Variants in RELL1 observed in about 807,000 individuals in gnomAD.
The protein encoded by RELL1 is RELT-like protein 1.
In RELL1, 10 loss-of-function variants were observed where a neutral mutation model predicts 23.0. That is an observed-to-expected ratio of 0.43 (90% CI 0.27 to 0.74). The LOEUF is 0.74. Among genes scored for constraint, RELL1 ranks in the 30% least tolerant of loss-of-function variants. The probability of loss-of-function intolerance (pLI) is 0.19; values close to 1 mark genes in which losing one functional copy is unlikely to be tolerated. For missense variants in RELL1, 315 were observed against 364.4 expected (o/e 0.86, Z 1.10); for synonymous variants, 146 against 146.8 (o/e 0.99, Z 0.04).
At chr4:37,606,197 G>GAAAA (rs59263297), downstream of RELL1, among the ~76,000 whole-genome samples, 68,395 of 150,150 alleles carry the variant, frequency 0.46, 15,916 homozygotes, top group East Asian at 0.64. This position sits in a 1 kb window ranked among gnomAD's most constrained non-coding sequence, Gnocchi z 4.1. Flanking sequence ...GAAAGAGAAA[G>GAAAA]AAGAAAGAAA....
At chr4:37,632,511 A>G in intron 5 of RELL1, among the ~76,000 whole-genome samples, 1 of 152,174 alleles carries the variant, frequency 6.6e-6, no homozygotes, top group East Asian at 1.9e-4. Flanking sequence ...TTAAATGCTC[A>G]ACTGGTTTAC....
rs1720423510 is a variant in RELL1, at chr4:37,638,800, C to T, written c.386-296G>A. 2.6e-5 allele frequency among the ~76,000 whole-genome samples: 4 copies of T among 152,270 alleles called. No homozygotes were observed. In the South Asian group the frequency reaches 8.3e-4, roughly 32 times the overall value. ...CAATAGCAATATAAAGTAGAAGAAA[C>T]CACCCCCTCACCCCACACCAACTCC... On this transcript the variant is annotated intron_variant, in intron 3 of 6. Coordinates refer to ENST00000454158, the MANE Select transcript of RELL1 (RefSeq NM_001085400.2).
intron 3 of RELL1, among the ~76,000 whole-genome samples, chr4:37,640,469 C>T (rs1028963212): frequency 3.9e-5 from 6 of 152,064 alleles, no homozygotes; most frequent in African/African-American, 1.4e-4. Context: ...ATATACAATC[C>T]CATATACAAT....
At chr4:37,602,079 T>C (rs999637242) in intron 6 of RELL1, among the ~76,000 whole-genome samples, 21 of 151,992 alleles carry the variant, frequency 1.4e-4, no homozygotes, top group African/African-American at 5.1e-4. Flanking sequence ...TAGCTGAGCA[T>C]GATGGCCTGT....
chr4:37,607,754 C>CT (rs914984879), downstream of RELL1, among the ~76,000 whole-genome samples: 12 of 151,306 alleles, frequency 7.9e-5, no homozygotes, highest in East Asian at 1.9e-4. Flanking sequence ...TAATTTTTTT[C>CT]TTTTTTTTGT....
chr4:37,648,668 C>A (rs1175205143), intron 2 of RELL1, among the ~76,000 whole-genome samples: 1 of 152,216 alleles, frequency 6.6e-6, no homozygotes, highest in Non-Finnish European at 1.5e-5. Flanking sequence ...AGTACTAAGG[C>A]ACCAGCTCTT....
At chr4:37,683,695 T>C (rs1043735413) in intron 1 of RELL1, among the ~76,000 whole-genome samples, 2 of 148,948 alleles carry the variant, frequency 1.3e-5, no homozygotes, top group African/African-American at 5.0e-5. Flanking sequence ...GAGGTGGAGG[T>C]TGTAGTGAGC....
At chr4:37,596,422 A>G (rs1718847091) in intron 6 of RELL1, among the ~76,000 whole-genome samples, 1 of 135,562 alleles carries the variant, frequency 7.4e-6, no homozygotes, top group Non-Finnish European at 1.6e-5. Context: ...GGAGAAACAC[A>G]TAAGACTCCA....
At chr4:37,655,542 A>G (rs915552415) in intron 1 of RELL1, among the ~76,000 whole-genome samples, 2 of 152,208 alleles carry the variant, frequency 1.3e-5, no homozygotes, top group Admixed American at 1.3e-4. Flanking sequence ...AACCCAGGAG[A>G]GAGGCATGAA....
rs144072142 is a variant in RELL1, at chr4:37,599,257, G to A, written c.*4-8040C>T. Among the ~76,000 whole-genome samples, 263 of 152,314 alleles carry A rather than the reference G, an allele frequency of 1.7e-3. 1 individual carries two copies. Among genetic ancestry groups the A allele is most frequent in the African/African-American group, 6.0e-3 (248 of 41,566 alleles). ...TCAATAGCTGAGACACGGGGTTGCCGCAGAGCAAGAGGTTTAATGGGAGGG... is the reference window on the plus strand; with the variant it reads ...TCAATAGCTGAGACACGGGGTTGCCACAGAGCAAGAGGTTTAATGGGAGGG... On this transcript the variant is annotated intron_variant, in intron 6 of 6. Transcript: ENST00000314117.
At chr4:37,682,152 T>C (rs1401954528) in intron 1 of RELL1, among the ~76,000 whole-genome samples, 1 of 152,178 alleles carries the variant, frequency 6.6e-6, no homozygotes, top group Non-Finnish European at 1.5e-5. Flanking sequence ...AATGAAATGA[T>C]CTAGGTATTT....
chr4:37,674,699 TAGAACATTTGAAAATTAG>T (rs1186324689), intron 1 of RELL1, among the ~76,000 whole-genome samples: 2 of 151,904 alleles, frequency 1.3e-5, no homozygotes, highest in Non-Finnish European at 2.9e-5. Context: ...GAAGAACTGT[TAGAACATTTGAAAATTAG>T]TGTTCCCAAG....
intron 1 of RELL1, among the ~76,000 whole-genome samples, chr4:37,666,174 G>T (rs555974292): frequency 2.0e-5 from 3 of 152,290 alleles, no homozygotes; most frequent in African/African-American, 7.2e-5. Flanking sequence ...TCTGAGATAG[G>T]TGTTAATATT....
intron 6 of RELL1, among the ~76,000 whole-genome samples, chr4:37,595,200 T>C (rs943961405): frequency 4.2e-4 from 64 of 152,230 alleles, no homozygotes; most frequent in Non-Finnish European, 4.4e-5. Context: ...CATTCATTTA[T>C]AGATTTACTA....
intron 6 of RELL1, among the ~76,000 whole-genome samples, chr4:37,597,825 C>T (rs1258244716): frequency 6.6e-6 from 1 of 151,688 alleles, no homozygotes; most frequent in Non-Finnish European, 1.5e-5. Flanking sequence ...CCGAGGCAGG[C>T]GGATCACTTG....
chr4:37,663,430 G>A (rs1721422334), intron 1 of RELL1, among the ~76,000 whole-genome samples: 2 of 152,314 alleles, frequency 1.3e-5, no homozygotes, highest in African/African-American at 4.8e-5. Flanking sequence ...TGACCTTAAA[G>A]CAACAGGGCT....
At chr4:37,658,148 G>C (rs1397702433) in intron 1 of RELL1, among the ~76,000 whole-genome samples, 1 of 152,102 alleles carries the variant, frequency 6.6e-6, no homozygotes, top group Non-Finnish European at 1.5e-5. Flanking sequence ...TTAGCAGAGA[G>C]ACTGAAGGCA....
intron 6 of RELL1, among the ~76,000 whole-genome samples, chr4:37,601,506 A>G (rs1199043422): frequency 6.6e-6 from 1 of 152,248 alleles, no homozygotes. Flanking sequence ...CAGCAAAGGC[A>G]TCTGAATGCC....
chr4:37,593,862 G>A (rs949364996), intron 6 of RELL1, among the ~76,000 whole-genome samples: 3 of 152,232 alleles, frequency 2.0e-5, no homozygotes, highest in African/African-American at 7.2e-5. Context: ...GACAGCTACC[G>A]CTGCTCCAAC....
Sources: allele counts gnomAD v4.1 joint callset (sites outside exome capture counted in the v4.1 genomes callset), GRCh38; gene constraint gnomAD v4.1.1; non-coding constraint Gnocchi (gnomAD v3.1); transcripts MANE v1.5; gene names NCBI Gene and HGNC (gene_info 2026-07-23, HGNC 2026-07-21).